Variants in GYS1 observed in about 807,000 individuals in gnomAD.
The protein encoded by GYS1 is glycogen synthase 1.
In GYS1, 60 loss-of-function variants were observed where a neutral mutation model predicts 89.1. The ratio of observed to expected loss-of-function variants is 0.67; its 90% CI spans 0.55 to 0.84. The LOEUF (loss-of-function observed/expected upper bound fraction) is 0.84. Among genes scored for constraint, GYS1 ranks in the 40% least tolerant of loss-of-function variants. The pLI is 0.00. For synonymous variants in GYS1, 366 were observed against 401.7 expected, an observed-to-expected ratio of 0.91 and a Z score of 1.06; for missense variants, 888 against 1,003.1, an observed-to-expected ratio of 0.89 and a Z score of 1.55.
intron 8 of GYS1, among the ~76,000 whole-genome samples, chr19:48,979,331 C>CTTTTTTTTTTTTTTT: frequency 2.2e-5 from 1 of 46,354 alleles, no homozygotes; most frequent in Non-Finnish European, 4.6e-5. Context: ...TTTCTTTTTT[C>CTTTTTTTTTTTTTTT]TTTTCTTTTT....
intron 12 of GYS1, 139 bp from the exon 13 acceptor site, chr19:48,971,162 C>T: frequency 2.8e-6 from 2 of 717,840 alleles, no homozygotes; most frequent in Non-Finnish European, 2.6e-6. Context: ...TGAGCCCCCA[C>T]AACCAGGCTG....
intron 14 of GYS1, 43 bp from the exon 15 acceptor site, chr19:48,969,898 G>A (rs761406274): frequency 2.2e-5 from 31 of 1,405,046 alleles, no homozygotes; most frequent in East Asian, 9.1e-5. Context: ...TGAGAGCCAG[G>A]CCCCACCCCC....
rs1208975703 is a variant in GYS1 at position 48,987,340 on chromosome 19, G to A, written c.346C>T (p.Leu116Phe). The A allele has an allele frequency of 1.2e-6, 2 of 1,611,848 alleles. No individual in the cohort carries two copies. The highest frequency in any genetic ancestry group is 3.3e-4 in the Middle Eastern group (2 of 6,060). Reference protein sequence around the residue: ...WLIEGGPLVVLLDVGASAWAL... With the variant: ...WLIEGGPLVVFLDVGASAWAL... ...CAAGCTGAGGCACCCACGTCCAGGA[G>A]CACCACCAGAGGGCCTCCCTCGATC... Residue 116 changes from leucine (L) to phenylalanine (F), a missense_variant, in exon 3 of 16, where the codon CTC becomes TTC. Leu to Phe is a conservative substitution (Grantham distance 22). Transcript: ENST00000323798.
chr19:48,979,638 C>A (rs1600140898), intron 8 of GYS1, among the ~76,000 whole-genome samples: 1 of 126,228 alleles, frequency 7.9e-6, no homozygotes. Flanking sequence ...CGCCCAGCCT[C>A]TTTCTTTCTT....
rs530701535 is a variant in GYS1 at position 48,982,982 on chromosome 19, TTTTG to T, written c.824-149_824-146del. On this transcript the variant is annotated intron_variant, in intron 5 of 15. Transcript: ENST00000323798. ...CCTATGAGGTCCCCCCTCCCACCTT[TTTTG>T]TTTGTTTGTTTGTTTTTGGAGACAG... The T allele has an allele frequency of 2.8e-3, 1,928 of 696,772 alleles. 7 individuals are homozygous for T. Among genetic ancestry groups the T allele is most frequent in the Non-Finnish European group, 3.7e-3 (1,418 of 386,002 alleles). The allele number at this position is 696,772 out of a possible 1,614,324, so 43.2% of individuals were successfully genotyped here.
intron 3 of GYS1, 114 bp downstream of exon 3, chr19:48,987,080 G>A (rs1243844943): frequency 3.8e-6 from 3 of 786,462 alleles, no homozygotes; most frequent in African/African-American, 3.4e-5. Flanking sequence ...CTAATCCTTG[G>A]ATTAAAGGAC....
intron 6 of GYS1, 87 bp from the exon 7 acceptor site, chr19:48,982,462 G>A (rs74893260): frequency 2.1e-5 from 31 of 1,499,594 alleles, no homozygotes; most frequent in African/African-American, 2.8e-5. Flanking sequence ...AGCTATGGGT[G>A]GGGGGGCAGA....
At position 48,986,073 on chromosome 19, in the gene GYS1, T is replaced by C. The variant is rs375114397; in HGVS notation, c.493-38A>G. ...GGGACAGGGCCACTGTCTCCACGAG[T>C]GTTGGGAAAAGAATCGGCAATCCCC... On this transcript the variant is annotated intron_variant, in intron 3 of 15. Transcript: ENST00000323798. 216 of 1,601,288 alleles carry C rather than the reference T, an allele frequency of 1.3e-4. No homozygotes were observed. The African/African-American group carries it at 2.7e-3, about 20-fold the overall frequency.
rs370893358 is a variant in GYS1 at position 48,973,963 on chromosome 19, C to CATGCCCA, written c.1549+249_1549+250insTGGGCAT. ...TTCATTGCCACTATTTGGGGGGCCA[C>CATGCCCA]TGCTTTCTGGGAGAAAGCAGTGTGA... On this transcript the variant is annotated intron_variant, in intron 12 of 15. Coordinates refer to ENST00000323798, the MANE Select transcript of GYS1 (RefSeq NM_002103.5). 0.018 allele frequency among the ~76,000 whole-genome samples: 2,687 copies of CATGCCCA among 152,304 alleles called. 71 individuals carry two copies. The highest frequency in any genetic ancestry group is 0.06 in the African/African-American group (2,511 of 41,552).
chr19:48,975,863 G>A (rs915562768), intron 10 of GYS1, among the ~76,000 whole-genome samples: 9 of 131,728 alleles, frequency 6.8e-5, no homozygotes, highest in Non-Finnish European at 1.4e-4. Context: ...AGTGAGCCAA[G>A]ATCGCGCCAC....
At chr19:48,976,816 GTGCAGTGGCATAATCATAGCTCAC>G (rs1402620418) in intron 10 of GYS1, among the ~76,000 whole-genome samples, 4 of 151,936 alleles carry the variant, frequency 2.6e-5, no homozygotes, top group Admixed American at 1.3e-4. Context: ...CCAGTCTGGA[GTGCAGTGGCATAATCATAGCTCAC>G]TGCAGCGGCA....
intron 5 of GYS1, among the ~76,000 whole-genome samples, chr19:48,984,969 C>G (rs932089235): frequency 6.6e-6 from 1 of 152,152 alleles, no homozygotes; most frequent in Non-Finnish European, 1.5e-5. Flanking sequence ...GTGTTCTGGG[C>G]ACATTTAAGG....
Position 48,970,925 on chromosome 19 carries a change from G to A in GYS1, c.1645+3C>T. 1 of 1,609,766 alleles carries A rather than the reference G, an allele frequency of 6.2e-7. No homozygotes were observed. Among genetic ancestry groups the A allele is most frequent in the Non-Finnish European group, 8.5e-7 (1 of 1,176,018 alleles). On this transcript the variant is annotated splice_donor_region_variant and intron_variant, in intron 13 of 15. Transcript: ENST00000323798. The stretch of plus-strand genomic sequence containing the variant: ...CAGAATCCTCAGGGGCCTGGGCGCT[G>A]ACCGTAAGCTGAGGGGTCTGCGATG...
chr19:48,970,369 T>C, intron 14 of GYS1, 177 bp downstream of exon 14: 1 of 624,192 alleles, frequency 1.6e-6, no homozygotes, highest in South Asian at 1.8e-5. Context: ...ATCCTTCCTG[T>C]TAGGCCTCCC....
Position 48,968,869 on chromosome 19 carries a change from G to A in GYS1, c.*419C>T. On this transcript the variant is annotated 3_prime_UTR_variant, in exon 16 of 16. Coordinates refer to ENST00000323798, the MANE Select transcript of GYS1 (RefSeq NM_002103.5). ...GACACCACGTGGTTTCCAGAACTTG[G>A]TGGCCCGCATGCCGGGCCTGAGCGT... is the stretch of plus-strand genomic sequence containing the variant. 1 of 466,496 alleles carries A rather than the reference G, an allele frequency of 2.1e-6. No individual in the cohort carries two copies. Among genetic ancestry groups the A allele is most frequent in the South Asian group, 1.5e-5 (1 of 64,564 alleles). The allele number at this position is 466,496 out of a possible 1,614,324, so 28.9% of individuals were successfully genotyped here. A position where few individuals can be genotyped will look rare whatever the true frequency, so the allele number is the denominator to read the frequency against.
chr19:48,975,849 T>C (rs1181020752), intron 10 of GYS1, among the ~76,000 whole-genome samples: 2 of 138,010 alleles, frequency 1.4e-5, no homozygotes, highest in African/African-American at 5.6e-5. Context: ...GAGGCGGAGG[T>C]TGAAGTGAGC....
chr19:48,977,787 T>C (rs547011240), intron 10 of GYS1, 137 bp downstream of exon 10: 3 of 737,110 alleles, frequency 4.1e-6, no homozygotes, highest in Non-Finnish European at 7.3e-6. Flanking sequence ...TCTGTGGACC[T>C]CAGAATAGAT....
At chr19:48,974,184 C>T (rs1219377796) in intron 12 of GYS1, 29 bp downstream of exon 12, 17 of 1,571,780 alleles carry the variant, frequency 1.1e-5, no homozygotes, top group Non-Finnish European at 1.5e-5. Flanking sequence ...GATGCCATGA[C>T]CACGCTGTCC....
chr19:48,990,007 G>GGGGGGC (rs2038901362), intron 2 of GYS1, among the ~76,000 whole-genome samples: 1 of 150,378 alleles, frequency 6.6e-6, no homozygotes, highest in Non-Finnish European at 1.5e-5. Context: ...CTGGGGGGGG[G>GGGGGGC]GGGGGGCTAT....
Sources: allele counts gnomAD v4.1 joint callset (sites outside exome capture counted in the v4.1 genomes callset), GRCh38; gene constraint gnomAD v4.1.1; transcripts MANE v1.5; gene names NCBI Gene and HGNC (gene_info 2026-07-23, HGNC 2026-07-21).